FER: variants seen among roughly 807,000 people sequenced by gnomAD.
The protein encoded by FER is tyrosine-protein kinase Fer.
In FER, 63 loss-of-function variants were observed where a neutral mutation model predicts 111.0. That is an observed-to-expected ratio of 0.57 (90% CI 0.46 to 0.70). The LOEUF (loss-of-function observed/expected upper bound fraction) is 0.70, where lower values mean the gene tolerates loss of function less well. Ranked by LOEUF, FER falls within the 30% of genes least tolerant of loss-of-function variation. The pLI is 0.00. For missense variants in FER, 914 were observed against 954.0 expected, an observed-to-expected ratio of 0.96 and a Z score of 0.55; for synonymous variants, 327 against 313.9, an observed-to-expected ratio of 1.04 and a Z score of -0.44.
intron 16 of FER, among the ~76,000 whole-genome samples, chr5:109,080,085 AAAAG>A (rs763498841): frequency 1.3e-5 from 2 of 152,244 alleles, no homozygotes; most frequent in African/African-American, 4.8e-5. Flanking sequence ...TCTAGAGTGA[AAAAG>A]AAATCCCAAT....
intron 16 of FER, among the ~76,000 whole-genome samples, chr5:109,079,104 C>T (rs551185438): frequency 7.9e-5 from 12 of 152,160 alleles, no homozygotes; most frequent in Middle Eastern, 6.8e-3. Flanking sequence ...TATACATTCT[C>T]CTTGTTTATT....
chr5:109,156,997 C>T (rs1290039898), intron 17 of FER, among the ~76,000 whole-genome samples: 2 of 152,042 alleles, frequency 1.3e-5, no homozygotes, highest in African/African-American at 2.4e-5. Context: ...GTAGACCACA[C>T]TTGGTAAGTA....
At chr5:109,136,983 CATTCA>C (rs1484278582) in intron 17 of FER, among the ~76,000 whole-genome samples, 1 of 152,186 alleles carries the variant, frequency 6.6e-6, no homozygotes, top group Admixed American at 6.5e-5. Flanking sequence ...CCTAATGTAA[CATTCA>C]GATAATACAG....
At chr5:108,750,360 G>A (rs1215964413) in intron 1 of FER, among the ~76,000 whole-genome samples, 2 of 152,080 alleles carry the variant, frequency 1.3e-5, no homozygotes, top group Non-Finnish European at 2.9e-5. Flanking sequence ...TTTGTGAGTA[G>A]CTCCAGGTTT....
intron 2 of FER, among the ~76,000 whole-genome samples, chr5:108,788,518 C>A (rs1227189675): frequency 6.7e-6 from 1 of 149,102 alleles, no homozygotes; most frequent in Non-Finnish European, 1.5e-5. Context: ...CCCTAATGAT[C>A]CTGCGACACT....
chr5:108,757,565 A>T (rs1235409087), intron 1 of FER, among the ~76,000 whole-genome samples: 1 of 152,114 alleles, frequency 6.6e-6, no homozygotes, highest in Non-Finnish European at 1.5e-5. Context: ...AAAAAAAGTT[A>T]ATTTGTGAAA....
intron 17 of FER, among the ~76,000 whole-genome samples, chr5:109,125,457 T>C (rs990540631): frequency 5.9e-5 from 9 of 152,348 alleles, no homozygotes; most frequent in Admixed American, 2.0e-4. Flanking sequence ...TAAACATCTG[T>C]GACTAAGTTC....
At chr5:108,782,267 T>C (rs926271102) in intron 2 of FER, among the ~76,000 whole-genome samples, 3 of 151,368 alleles carry the variant, frequency 2.0e-5, no homozygotes, top group Admixed American at 6.6e-5. Flanking sequence ...GTTGGTAGGA[T>C]GGCCTAGTGA....
intron 3 of FER, among the ~76,000 whole-genome samples, chr5:108,800,812 C>T (rs1055295814): frequency 7.9e-5 from 12 of 151,620 alleles, no homozygotes; most frequent in Admixed American, 2.6e-4. Context: ...TTTGGGAGGC[C>T]GAGATGGGCG....
In FER at chr5:108,841,102, T is replaced by C. The variant is rs1253667811; in HGVS notation, c.481+5295T>C. ...GAAATGGGAAAACAATTCCAAAAGC[T>C]TTGCTGATACCCTTCTCTTTTTACG... On this transcript the variant is annotated intron_variant, in intron 5 of 19. Transcript: ENST00000281092. 2.0e-5 allele frequency among the ~76,000 whole-genome samples: 3 copies of C among 152,198 alleles called. No individual in the cohort carries two copies. In the East Asian group the frequency reaches 5.8e-4, roughly 29 times the overall value.
chr5:109,036,723 AT>A (rs1464388055), intron 13 of FER, among the ~76,000 whole-genome samples: 1 of 146,182 alleles, frequency 6.8e-6, no homozygotes, highest in Non-Finnish European at 1.5e-5. Flanking sequence ...TAAAAACCAT[AT>A]TTTTTCTTAC....
chr5:109,001,491 A>C (rs1416514366), intron 13 of FER, among the ~76,000 whole-genome samples: 1 of 152,236 alleles, frequency 6.6e-6, no homozygotes, highest in African/African-American at 2.4e-5. Context: ...TCTCAAAGTA[A>C]TAAGAGCTAT....
intron 11 of FER, among the ~76,000 whole-genome samples, chr5:108,950,279 A>G (rs535593427): frequency 1.3e-5 from 2 of 152,212 alleles, no homozygotes; most frequent in East Asian, 1.9e-4. Flanking sequence ...GTAATTCTTT[A>G]TAGTTACTAT....
chr5:109,044,584 G>A lies in FER; in HGVS notation c.1714-96G>A, dbSNP rs1052150334. ...CATCACTGGTGATATTGACATGTAG[G>A]TAAGCACCTCCTCCTCTTTGGTACC... On this transcript the variant is annotated intron_variant, in intron 14 of 19. Coordinates refer to ENST00000281092, the MANE Select transcript of FER (RefSeq NM_005246.4). 17 of 606,794 alleles carry A rather than the reference G, an allele frequency of 2.8e-5. No individual in the cohort carries two copies. In the African/African-American group the frequency reaches 2.8e-4, roughly 10 times the overall value. The allele number at this position is 606,794 out of a possible 1,614,324, so 37.6% of individuals were successfully genotyped here.
chr5:108,917,854 A>G (rs2149543460), intron 10 of FER, among the ~76,000 whole-genome samples: 1 of 152,216 alleles, frequency 6.6e-6, no homozygotes, highest in East Asian at 1.9e-4. Context: ...AATTGTTCAG[A>G]GATAAGACTG....
intron 9 of FER, among the ~76,000 whole-genome samples, chr5:108,894,180 C>T (rs1159415586): frequency 6.6e-6 from 1 of 152,018 alleles, no homozygotes; most frequent in Non-Finnish European, 1.5e-5. Flanking sequence ...CAGAGGATAG[C>T]TGTTCTCTAT....
chr5:108,787,306 C>T (rs772226966), intron 2 of FER, among the ~76,000 whole-genome samples: 1 of 152,094 alleles, frequency 6.6e-6, no homozygotes, highest in East Asian at 1.9e-4. Context: ...CTTTGGGTAT[C>T]GACAAGCGTA....
At chr5:108,751,242 T>C (rs929480269) in intron 1 of FER, among the ~76,000 whole-genome samples, 1 of 152,122 alleles carries the variant, frequency 6.6e-6, no homozygotes, top group Non-Finnish European at 1.5e-5. Flanking sequence ...GCCCAGCATA[T>C]GTATATACAT....
intron 2 of FER, among the ~76,000 whole-genome samples, chr5:108,776,571 C>A (rs2033747159): frequency 6.6e-6 from 1 of 152,098 alleles, no homozygotes; most frequent in Non-Finnish European, 1.5e-5. Flanking sequence ...ACAAGAAATA[C>A]TGTGGGAATC....
Sources: allele counts gnomAD v4.1 joint callset (sites outside exome capture counted in the v4.1 genomes callset), GRCh38; gene constraint gnomAD v4.1.1; transcripts MANE v1.5; gene names NCBI Gene and HGNC (gene_info 2026-07-23, HGNC 2026-07-21).